TPBGL: variants seen among roughly 807,000 people sequenced by gnomAD.
The protein encoded by TPBGL is trophoblast glycoprotein-like.
For synonymous variants in TPBGL, 380 were observed against 314.8 expected, an observed-to-expected ratio of 1.21 and a Z score of -2.19; for missense variants, 685 against 609.4, an observed-to-expected ratio of 1.12 and a Z score of -1.31.
In TPBGL at chr11:75,241,656, C is replaced by G; in HGVS notation, c.607C>G (p.Arg203Gly). The G allele has an allele frequency of 7.7e-7, 1 of 1,306,810 alleles. No individual in the cohort carries two copies. Among genetic ancestry groups the G allele is most frequent in the Non-Finnish European group, 9.8e-7 (1 of 1,022,292 alleles). 81.0% of individuals were successfully genotyped at this position (1,306,810 alleles called of 1,614,324 possible). ...GGCGCGCCTGGAGCAGCTGGACGTG[C>G]GCCTCAACGCGCTGGCCGGCCTGGA... ...RLARLEQLDV[R>G]LNALAGLDPD... Residue 203 changes from arginine to glycine, a missense_variant, in exon 1 of 1, where the codon CGC becomes GGC. Arg to Gly is a moderately radical substitution (Grantham distance 125). Transcript: ENST00000562197.
chr11:75,242,172 G>A lies in TPBGL; in HGVS notation c.1123G>A (p.Ala375Thr). The A allele has an allele frequency of 8.5e-7, 1 of 1,176,984 alleles. No homozygotes were observed. The highest frequency in any genetic ancestry group is 4.0e-5 in the East Asian group (1 of 25,186). The allele number at this position is 1,176,984 out of a possible 1,614,324, so 72.9% of individuals were successfully genotyped here. The change falls in exon 1 of 1, where the codon GCC becomes ACC. Residue 375 changes from alanine to threonine, a missense_variant. Ala to Thr is a moderately conservative substitution (Grantham distance 58). Coordinates refer to ENST00000562197, the MANE Select transcript of TPBGL (RefSeq NM_001195528.2). ...GCCCGCCGCGCCCGCGGGCTCCCGC[G>A]CCACCTCCCCGGGCTCGGGGCTCTG... The part of the protein sequence containing the change: ...PAPAAPAGSR[A>T]TSPGSGL
chr11:75,241,938 G>GCCT lies in TPBGL; in HGVS notation c.890_891insCTC (p.Ala297_Glu298insSer), dbSNP rs1945604408. The GCCT allele has an allele frequency of 6.7e-7, 1 of 1,487,114 alleles. No homozygotes were observed. Among genetic ancestry groups the GCCT allele is most frequent in the African/African-American group, 1.4e-5 (1 of 69,262 alleles). 92.1% of individuals were successfully genotyped at this position (1,487,114 alleles called of 1,614,324 possible). A position where few individuals can be genotyped will look rare whatever the true frequency, so the allele number is the denominator to read the frequency against. ...CGGCGCCGACGCTCGCGGAGAGGAG[G>GCCT]CGGAGGCCGCCGGCCCGGAGCTGGA... On this transcript the variant is annotated inframe_insertion, in exon 1 of 1. Transcript: ENST00000562197.
rs1165674183 is a variant in TPBGL at position 75,241,244 on chromosome 11, C to T, written c.195C>T (p.Ile65=). 7.0e-6 allele frequency: 10 copies of T among 1,429,312 alleles called. No individual in the cohort carries two copies. The East Asian group carries it at 2.8e-4, about 40-fold the overall frequency. 88.5% of individuals were successfully genotyped at this position (1,429,312 alleles called of 1,614,324 possible). The change falls in exon 1 of 1, where the codon ATC becomes ATT. Residue 65 remains isoleucine, a synonymous_variant. Coordinates refer to ENST00000562197, the MANE Select transcript of TPBGL (RefSeq NM_001195528.2). The part of the protein sequence containing the change: ...DVPPDARNLT[I]VGANLTVLRA... Reference sequence around the variant, plus strand: ...CGCCCGACGCGCGCAACCTCACCATCGTAGGCGCCAACCTGACGGTGCTGC... The same window carrying T: ...CGCCCGACGCGCGCAACCTCACCATTGTAGGCGCCAACCTGACGGTGCTGC...
chr11:75,242,063 C>T lies in TPBGL; in HGVS notation c.1014C>T (p.Arg338=). 6.9e-7 allele frequency: 1 copy of T among 1,447,092 alleles called. No individual in the cohort carries two copies. 89.6% of individuals were successfully genotyped at this position (1,447,092 alleles called of 1,614,324 possible). Residue 338 remains arginine (R), a synonymous_variant, in exon 1 of 1, where the codon CGC becomes CGT. Transcript: ENST00000562197. ...LNRRGIQRWM[R]NLREACRDQM... is the part of the protein sequence containing the mutation. ...GCCGCGGCATCCAGCGCTGGATGCG[C>T]AACCTGCGCGAGGCGTGCCGGGACC...
chr11:75,241,741 T>C lies in TPBGL; in HGVS notation c.692T>C (p.Leu231Pro). 1 of 1,287,520 alleles carries C rather than the reference T, an allele frequency of 7.8e-7. No homozygotes were observed. Among genetic ancestry groups the C allele is most frequent in the Non-Finnish European group, 9.9e-7 (1 of 1,014,892 alleles). 79.8% of individuals were successfully genotyped at this position (1,287,520 alleles called of 1,614,324 possible). The change falls in exon 1 of 1, where the codon CTC becomes CCC. Residue 231 changes from leucine (L) to proline (P), a missense_variant. Transcript: ENST00000562197. ...GGCCTCCCCGGGCCGCGCCTGCTGC[T>C]CGCCGACAACCCCCTGCGCTGCGGC... ...DGGLPGPRLLLADNPLRCGCA... is the reference protein window; with the variant it reads ...DGGLPGPRLLPADNPLRCGCA...
At position 75,242,067 on chromosome 11, in the gene TPBGL, C is replaced by G. The variant is rs1409059876; in HGVS notation, c.1018C>G (p.Leu340Val). ...CGGCATCCAGCGCTGGATGCGCAAC[C>G]TGCGCGAGGCGTGCCGGGACCAGAT... ...RRGIQRWMRN[L>V]REACRDQMEG... The change falls in exon 1 of 1, where the codon CTG (leucine) becomes GTG (valine). Residue 340 changes from leucine (L) to valine (V), a missense_variant. Physicochemically the swap from Leu to Val is conservative, Grantham distance 32. Transcript: ENST00000562197. 32 of 1,445,294 alleles carry G rather than the reference C, an allele frequency of 2.2e-5. No homozygotes were observed. Among genetic ancestry groups the G allele is most frequent in the South Asian group, 5.2e-5 (4 of 76,568 alleles). 89.5% of individuals were successfully genotyped at this position (1,445,294 alleles called of 1,614,324 possible). A position where few individuals can be genotyped will look rare whatever the true frequency, so the allele number is the denominator to read the frequency against.
chr11:75,241,904 C>CGCG lies in TPBGL; in HGVS notation c.857_859dup (p.Ala286dup), dbSNP rs1323442582. On this transcript the variant is annotated inframe_insertion, in exon 1 of 1. Transcript: ENST00000562197. The stretch of plus-strand genomic sequence containing the variant: ...ACCTGGACGGGGCGCGGCTTCGCTG[C>CGCG]GCGGACAGCGGCGCCGACGCTCGCG... The CGCG allele has an allele frequency of 3.4e-6, 5 of 1,475,068 alleles. No individual in the cohort carries two copies. The highest frequency in any genetic ancestry group is 1.5e-5 in the African/African-American group (1 of 68,552). The allele number at this position is 1,475,068 out of a possible 1,614,324, so 91.4% of individuals were successfully genotyped here.
rs1945617273 is a variant in TPBGL at position 75,243,473 on chromosome 11, G to C, written c.*1275G>C. 1 of 152,272 alleles carries C rather than the reference G, an allele frequency of 6.6e-6. No homozygotes were observed. Among genetic ancestry groups the C allele is most frequent in the South Asian group, 2.1e-4 (1 of 4,834 alleles). The allele number at this position is 152,272 out of a possible 1,614,324, so 9.4% of individuals were successfully genotyped here. On this transcript the variant is annotated 3_prime_UTR_variant, in exon 1 of 1. Transcript: ENST00000562197. Reference sequence around the variant, plus strand: ...TTCAGGGTCAGAAGCTCAGCACCTTGCCTTCTCCATGATCCCAAAGCACAA... The same window carrying C: ...TTCAGGGTCAGAAGCTCAGCACCTTCCCTTCTCCATGATCCCAAAGCACAA...
rs990962291 is a variant in TPBGL at position 75,241,696 on chromosome 11, G to T, written c.647G>T (p.Arg216Leu). Residue 216 changes from arginine (R) to leucine (L), a missense_variant, in exon 1 of 1, where the codon CGC (arginine) becomes CTC (leucine). By Grantham distance (102) the Arg-to-Leu change is moderately radical. Transcript: ENST00000562197. Reference protein sequence around the residue: ...ALAGLDPDELRALERDGGLPG... With the variant: ...ALAGLDPDELLALERDGGLPG... The stretch of plus-strand genomic sequence containing the variant: ...GCCGGCCTGGACCCCGACGAGCTGC[G>T]CGCGCTGGAGCGCGATGGCGGCCTC... 23 of 1,266,376 alleles carry T rather than the reference G, an allele frequency of 1.8e-5. No homozygotes were observed. In the African/African-American group the frequency reaches 3.3e-4, roughly 18 times the overall value. The allele number at this position is 1,266,376 out of a possible 1,614,324, so 78.4% of individuals were successfully genotyped here.
Position 75,241,546 on chromosome 11 carries a change from C to T in TPBGL, c.497C>T (p.Ala166Val). The T allele has an allele frequency of 2.4e-6, 3 of 1,263,536 alleles. No homozygotes were observed. The highest frequency in any genetic ancestry group is 2.0e-5 in the South Asian group (1 of 50,610). 78.3% of individuals were successfully genotyped at this position (1,263,536 alleles called of 1,614,324 possible). The change falls in exon 1 of 1, where the codon GCT becomes GTT. Residue 166 changes from alanine to valine, a missense_variant. By Grantham distance (64) the Ala-to-Val change is moderately conservative. Transcript: ENST00000562197. Reference protein sequence around the residue: ...GGPALLAALDAALAPLAELRL... With the variant: ...GGPALLAALDVALAPLAELRL... ...CCCGCGCTGCTGGCCGCGCTGGACG[C>T]TGCGCTGGCACCGCTGGCCGAGCTT...
At position 75,241,001 on chromosome 11, in the gene TPBGL, C is replaced by A; in HGVS notation, c.-49C>A. The A allele has an allele frequency of 2.5e-6, 3 of 1,190,404 alleles. No homozygotes were observed. Among genetic ancestry groups the A allele is most frequent in the Non-Finnish European group, 3.1e-6 (3 of 959,778 alleles). 73.7% of individuals were successfully genotyped at this position (1,190,404 alleles called of 1,614,324 possible). A position where few individuals can be genotyped will look rare whatever the true frequency, so the allele number is the denominator to read the frequency against. The stretch of plus-strand genomic sequence containing the variant: ...CGTGCCCCCCACCAGGCGCTCCCAA[C>A]TCACTGGTGAGCGCGGCGGCCCGGG... On this transcript the variant is annotated 5_prime_UTR_variant, in exon 1 of 1. Coordinates refer to ENST00000562197, the MANE Select transcript of TPBGL (RefSeq NM_001195528.2).
Position 75,241,089 on chromosome 11 carries a change from C to A in TPBGL, c.40C>A (p.Leu14Met). 1 of 1,349,368 alleles carries A rather than the reference C, an allele frequency of 7.4e-7. No individual in the cohort carries two copies. Among genetic ancestry groups the A allele is most frequent in the Non-Finnish European group, 9.5e-7 (1 of 1,049,388 alleles). 83.6% of individuals were successfully genotyped at this position (1,349,368 alleles called of 1,614,324 possible). The change falls in exon 1 of 1, where the codon CTG becomes ATG. Residue 14 changes from leucine to methionine, a missense_variant. Physicochemically the swap from Leu to Met is conservative, Grantham distance 15. Transcript: ENST00000562197. ...GGGACAGCCGGGGCTCCAGGGGCTG[C>A]TGCTCGTGGCGGCGGCGCTGAGCCA... ...RAGQPGLQGL[L>M]LVAAALSQPA... is the part of the protein sequence containing the mutation.
chr11:75,240,887 A>G lies in TPBGL; in HGVS notation c.-163A>G, dbSNP rs1483698327. Reference sequence around the variant, plus strand: ...TGACCCCTCTTGCCCCCGGCCAGTCAGCCAGTAAGTGCGGCTCCTCAGACT... The same window carrying G: ...TGACCCCTCTTGCCCCCGGCCAGTCGGCCAGTAAGTGCGGCTCCTCAGACT... On this transcript the variant is annotated 5_prime_UTR_variant, in exon 1 of 1. Coordinates refer to ENST00000562197, the MANE Select transcript of TPBGL (RefSeq NM_001195528.2). 2.5e-6 allele frequency: 1 copy of G among 399,438 alleles called. No homozygotes were observed. The allele number at this position is 399,438 out of a possible 1,614,324, so 24.7% of individuals were successfully genotyped here.
At position 75,242,385 on chromosome 11, in the gene TPBGL, C is replaced by G; in HGVS notation, c.*187C>G. On this transcript the variant is annotated 3_prime_UTR_variant, in exon 1 of 1. Transcript: ENST00000562197. ...AGCCGGTCCGAATCCAGAAACCCCG[C>G]CTGCCCACCCTAGTTTCCGAAACCT... 1.4e-6 allele frequency: 1 copy of G among 702,760 alleles called. No individual in the cohort carries two copies. The highest frequency in any genetic ancestry group is 1.8e-6 in the Non-Finnish European group (1 of 562,780). The allele number at this position is 702,760 out of a possible 1,614,324, so 43.5% of individuals were successfully genotyped here.
rs1413252625 is a variant in TPBGL at position 75,241,717 on chromosome 11, G to A, written c.668G>A (p.Gly223Asp). ...DELRALERDG[G>D]LPGPRLLLAD... ...CTGCGCGCGCTGGAGCGCGATGGCG[G>A]CCTCCCCGGGCCGCGCCTGCTGCTC... Residue 223 changes from glycine (G) to aspartate (D), a missense_variant, in exon 1 of 1, where the codon GGC becomes GAC. Coordinates refer to ENST00000562197, the MANE Select transcript of TPBGL (RefSeq NM_001195528.2). The A allele has an allele frequency of 2.4e-6, 3 of 1,263,206 alleles. No homozygotes were observed. The highest frequency in any genetic ancestry group is 3.2e-4 in the Middle Eastern group (1 of 3,158). 78.2% of individuals were successfully genotyped at this position (1,263,206 alleles called of 1,614,324 possible). A position where few individuals can be genotyped will look rare whatever the true frequency, so the allele number is the denominator to read the frequency against.
chr11:75,243,492 A>G lies in TPBGL; in HGVS notation c.*1294A>G, dbSNP rs1460738629. 2 of 152,212 alleles carry G rather than the reference A, an allele frequency of 1.3e-5. No individual in the cohort carries two copies. Among genetic ancestry groups the G allele is most frequent in the Non-Finnish European group, 2.9e-5 (2 of 68,064 alleles). 9.4% of individuals were successfully genotyped at this position (152,212 alleles called of 1,614,324 possible). On this transcript the variant is annotated 3_prime_UTR_variant, in exon 1 of 1. Coordinates refer to ENST00000562197, the MANE Select transcript of TPBGL (RefSeq NM_001195528.2). ...CACCTTGCCTTCTCCATGATCCCAAAGCACAATTGGTGAGTGGGGGAGAGG... is the reference window on the plus strand; with the variant it reads ...CACCTTGCCTTCTCCATGATCCCAAGGCACAATTGGTGAGTGGGGGAGAGG...
chr11:75,241,394 C>G lies in TPBGL; in HGVS notation c.345C>G (p.Asp115Glu). The G allele has an allele frequency of 7.3e-7, 1 of 1,368,858 alleles. No individual in the cohort carries two copies. The highest frequency in any genetic ancestry group is 9.4e-7 in the Non-Finnish European group (1 of 1,061,598). The allele number at this position is 1,368,858 out of a possible 1,614,324, so 84.8% of individuals were successfully genotyped here. ...AGGTGGTGGAGGACGGCGCCTTCGA[C>G]GGGCTGCCCAGCCTGGCGGCGCTCG... ...HIEVVEDGAF[D>E]GLPSLAALDL... Residue 115 changes from aspartate to glutamate, a missense_variant, in exon 1 of 1, where the codon GAC becomes GAG. Coordinates refer to ENST00000562197, the MANE Select transcript of TPBGL (RefSeq NM_001195528.2).
chr11:75,241,516 G>A lies in TPBGL; in HGVS notation c.467G>A (p.Gly156Asp). 8.3e-7 allele frequency: 1 copy of A among 1,210,156 alleles called. No individual in the cohort carries two copies. Among genetic ancestry groups the A allele is most frequent in the Non-Finnish European group, 1.0e-6 (1 of 976,310 alleles). The allele number at this position is 1,210,156 out of a possible 1,614,324, so 75.0% of individuals were successfully genotyped here. Residue 156 changes from glycine (G) to aspartate (D), a missense_variant, in exon 1 of 1, where the codon GGC (glycine) becomes GAC (aspartate). Physicochemically the swap from Gly to Asp is moderately conservative, Grantham distance 94. Coordinates refer to ENST00000562197, the MANE Select transcript of TPBGL (RefSeq NM_001195528.2). ...CAGCTCAACCACGCGCTGGTGCGCG[G>A]CGGCCCCGCGCTGCTGGCCGCGCTG... Reference protein sequence around the residue: ...SLQLNHALVRGGPALLAALDA... With the variant: ...SLQLNHALVRDGPALLAALDA...
At position 75,241,243 on chromosome 11, in the gene TPBGL, T is replaced by A; in HGVS notation, c.194T>A (p.Ile65Asn). The A allele has an allele frequency of 7.0e-7, 1 of 1,429,222 alleles. No individual in the cohort carries two copies. The highest frequency in any genetic ancestry group is 9.1e-7 in the Non-Finnish European group (1 of 1,093,548). 88.5% of individuals were successfully genotyped at this position (1,429,222 alleles called of 1,614,324 possible). The change falls in exon 1 of 1, where the codon ATC becomes AAC. Residue 65 changes from isoleucine to asparagine, a missense_variant. Coordinates refer to ENST00000562197, the MANE Select transcript of TPBGL (RefSeq NM_001195528.2). ...DVPPDARNLT[I>N]VGANLTVLRA... ...CCGCCCGACGCGCGCAACCTCACCA[T>A]CGTAGGCGCCAACCTGACGGTGCTG... is the stretch of plus-strand genomic sequence containing the variant.
Sources: gnomAD v4.1 joint callset for allele counts on GRCh38, gnomAD v4.1.1 for gene constraint, MANE v1.5 for transcripts, NCBI Gene and HGNC (gene_info 2026-07-23, HGNC 2026-07-21) for gene names.